SLX4: variants seen among roughly 807,000 people sequenced by gnomAD.
The protein encoded by SLX4 is SLX4 structure-specific endonuclease subunit, also known as structure-specific endonuclease subunit SLX4.
A neutral mutation model predicts 146.2 loss-of-function variants in SLX4; 112 were observed. That is an observed-to-expected ratio of 0.77 (90% CI 0.66 to 0.90). SLX4 has a LOEUF of 0.90. Ranked by LOEUF, SLX4 falls within the 40% of genes least tolerant of loss-of-function variation. The probability of loss-of-function intolerance (pLI) is 0.00; values close to 1 mark genes in which losing one functional copy is unlikely to be tolerated. For synonymous variants in SLX4, 1,061 were observed against 997.7 expected (o/e 1.06, Z -1.20); for missense variants, 2,563 against 2,392.7 (o/e 1.07, Z -1.49).
chr16:3,610,928 C>T (rs1391659544), intron 1 of SLX4, among the ~76,000 whole-genome samples: 1 of 152,218 alleles, frequency 6.6e-6, no homozygotes, highest in Non-Finnish European at 1.5e-5. Flanking sequence ...GAATTTTATC[C>T]TGTTGGATGC....
chr16:3,592,146 G>A (rs1240739220), intron 11 of SLX4, among the ~76,000 whole-genome samples: 1 of 152,262 alleles, frequency 6.6e-6, no homozygotes, highest in Non-Finnish European at 1.5e-5. Context: ...AGGCTGAGCT[G>A]TTCCTTTCCT....
chr16:3,602,953 G>GA (rs1416366379), intron 3 of SLX4, among the ~76,000 whole-genome samples: 1 of 152,190 alleles, frequency 6.6e-6, no homozygotes, highest in Non-Finnish European at 1.5e-5. Context: ...GATATGCCCT[G>GA]AACGCCTCAT....
chr16:3,588,942 CCT>C, intron 12 of SLX4, 58 bp downstream of exon 12: 2 of 1,603,932 alleles, frequency 1.2e-6, no homozygotes, highest in Non-Finnish European at 1.7e-6. Flanking sequence ...ATCTTCCCAC[CCT>C]CTTAGTGTAA....
intron 4 of SLX4, chr16:3,601,810 A>G: frequency 1.0e-5 from 4 of 389,050 alleles, no homozygotes; most frequent in Non-Finnish European, 2.0e-5. Context: ...GAGAGGGGCA[A>G]TAGGGAGTGG....
Position 3,592,891 on chromosome 16 carries a change from G to A in SLX4, c.2161-26C>T, listed in dbSNP as rs755722468. On this transcript the variant is annotated intron_variant, in intron 10 of 14. Transcript: ENST00000294008. Reference sequence around the variant, plus strand: ...CTGCAGGTGAAATGCAACACAGAGGGTTTACTGATCAGAGAGTTGTAACTT... The same window carrying A: ...CTGCAGGTGAAATGCAACACAGAGGATTTACTGATCAGAGAGTTGTAACTT... The A allele has an allele frequency of 4.4e-6, 7 of 1,599,636 alleles. No individual in the cohort carries two copies. The African/African-American group carries it at 9.4e-5, about 21-fold the overall frequency.
rs756725688 is a variant in SLX4, at chr16:3,609,011, A to C, written c.-47T>G. On this transcript the variant is annotated 5_prime_UTR_variant, in exon 2 of 15. The change creates a new upstream start codon in the 5' untranslated region. Coordinates refer to ENST00000294008, the MANE Select transcript of SLX4 (RefSeq NM_032444.4). ...CATTAGATACTTGGAGAGTTTGCACAATTGAACAAAAAGTACTGTTTTCCT... is the reference window on the plus strand; with the variant it reads ...CATTAGATACTTGGAGAGTTTGCACCATTGAACAAAAAGTACTGTTTTCCT... The C allele has an allele frequency of 3.0e-5, 47 of 1,592,564 alleles. No homozygotes were observed. Among genetic ancestry groups the C allele is most frequent in the Non-Finnish European group, 4.0e-5 (47 of 1,171,762 alleles).
At chr16:3,587,262 C>T (rs1282605426) in intron 12 of SLX4, among the ~76,000 whole-genome samples, 2 of 152,062 alleles carry the variant, frequency 1.3e-5, no homozygotes, top group Non-Finnish European at 2.9e-5. Flanking sequence ...TTTGGGAGGC[C>T]GAGGTGGGCG....
chr16:3,583,730 C>T (rs955129657), intron 13 of SLX4, among the ~76,000 whole-genome samples: 1 of 152,236 alleles, frequency 6.6e-6, no homozygotes, highest in Admixed American at 6.5e-5. Flanking sequence ...CAGCCAGGCA[C>T]AATGGCTCAC....
chr16:3,595,490 G>C (rs1465143865), intron 9 of SLX4, 115 bp downstream of exon 9: 3 of 1,153,386 alleles, frequency 2.6e-6, no homozygotes, highest in East Asian at 2.4e-5. Flanking sequence ...CAGAGGCCTT[G>C]AGAGGCCACT....
intron 10 of SLX4, among the ~76,000 whole-genome samples, 198 bp downstream of exon 10, chr16:3,594,255 G>A (rs2040624906): frequency 2.0e-5 from 3 of 152,226 alleles, no homozygotes; most frequent in South Asian, 4.1e-4. Flanking sequence ...AACCTCAAGC[G>A]TGGGTCTTTA....
intron 7 of SLX4, 55 bp from the exon 8 acceptor site, chr16:3,596,448 A>G (rs1452366194): frequency 1.4e-5 from 22 of 1,530,698 alleles, no homozygotes; most frequent in Admixed American, 1.9e-5. Flanking sequence ...TGACGCACAC[A>G]CTGCAGAAGC....
chr16:3,609,683 T>C (rs904065962), intron 1 of SLX4, 117 bp from the exon 2 acceptor site: 44 of 152,410 alleles, frequency 2.9e-4, no homozygotes, highest in Admixed American at 2.6e-3. Flanking sequence ...AACAATACTG[T>C]CAAATACTCA....
chr16:3,604,562 T>G (rs1339317436), intron 3 of SLX4, among the ~76,000 whole-genome samples: 1 of 151,920 alleles, frequency 6.6e-6, no homozygotes, highest in Non-Finnish European at 1.5e-5. Context: ...GTGGCTCACG[T>G]CTGTAATCCC....
rs745835943 is a variant in SLX4 at position 3,584,839 on chromosome 16, T to A, written c.4669A>T (p.Lys1557Ter). Residue 1557 changes from lysine to a stop codon, truncating the protein, a stop_gained, in exon 13 of 15, where the codon AAA becomes TAA. Coordinates refer to ENST00000294008, the MANE Select transcript of SLX4 (RefSeq NM_032444.4). LOFTEE classifies it high-confidence loss of function. The part of the protein sequence containing the change: ...GANRKKNLPP[K>*]VPITPMPQYS... ...TGTGGCATCGGCGTTATGGGCACTT[T>A]GGGGGGCAAGTTCTTCTTCCGATTA... 1 of 1,614,102 alleles carries A rather than the reference T, an allele frequency of 6.2e-7. No individual in the cohort carries two copies. The highest frequency in any genetic ancestry group is 8.5e-7 in the Non-Finnish European group (1 of 1,179,952).
rs1246189079 is a variant in SLX4 at position 3,592,718 on chromosome 16, G to A, written c.2308C>T (p.Leu770=). The stretch of plus-strand genomic sequence containing the variant: ...CCAGACCTGTGGGCCAGGGAGCTCA[G>A]CTCAGAGCTAAGGCCAGGAGGAAGG... The part of the protein sequence containing the change: ...TGLPPGLSSE[L]SSLAHRFGVS... Residue 770 remains leucine, a synonymous_variant, in exon 11 of 15, where the codon CTG becomes TTG. Coordinates refer to ENST00000294008, the MANE Select transcript of SLX4 (RefSeq NM_032444.4). 1 of 1,613,324 alleles carries A rather than the reference G, an allele frequency of 6.2e-7. No individual in the cohort carries two copies. Among genetic ancestry groups the A allele is most frequent in the African/African-American group, 1.3e-5 (1 of 75,050 alleles).
chr16:3,601,368 T>C, intron 4 of SLX4, 177 bp from the exon 5 acceptor site: 2 of 656,066 alleles, frequency 3.0e-6, no homozygotes, highest in Non-Finnish European at 5.4e-6. Context: ...TACACTTAGG[T>C]ATCTGTCAGC....
rs541750341 is a variant in SLX4 at position 3,584,755 on chromosome 16, T to C, written c.4739+14A>G. On this transcript the variant is annotated intron_variant, in intron 13 of 14. Transcript: ENST00000294008. ...AAAGACCACTGTGGGCAACAAGCTT[T>C]GAAGACCGCCAACCTATCCAGTTCC... 1.2e-6 allele frequency: 2 copies of C among 1,602,940 alleles called. No individual in the cohort carries two copies. The highest frequency in any genetic ancestry group is 2.2e-5 in the South Asian group (2 of 90,848).
chr16:3,584,895 C>T (rs369820951), intron 12 of SLX4, 24 bp from the exon 13 acceptor site: 13 of 1,522,926 alleles, frequency 8.5e-6, no homozygotes, highest in South Asian at 3.4e-5. Flanking sequence ...AAGAAGCACA[C>T]GTTTTAGCAT....
rs141625470 is a variant in SLX4 at position 3,597,877 on chromosome 16, C to G, written c.1286G>C (p.Arg429Pro). 1.2e-6 allele frequency: 2 copies of G among 1,614,104 alleles called. No individual in the cohort carries two copies. The highest frequency in any genetic ancestry group is 1.7e-6 in the Non-Finnish European group (2 of 1,180,034). ...AGCCGCACCCGGCTCCATCTCCGAC[C>G]GGGACAGAGCCATGGCCACCAGCAG... ...EDLLVAMALS[R>P]SEMEPGAAVP... Residue 429 changes from arginine (R) to proline (P), a missense_variant, in exon 6 of 15, where the codon CGG becomes CCG. Arg to Pro is a moderately radical substitution (Grantham distance 103). Transcript: ENST00000294008. This position sits in a 1 kb window ranked among gnomAD's most constrained non-coding sequence, Gnocchi z 4.4.
Sources: allele counts gnomAD v4.1 joint callset (sites outside exome capture counted in the v4.1 genomes callset), GRCh38; gene constraint gnomAD v4.1.1; non-coding constraint Gnocchi (gnomAD v3.1); transcripts MANE v1.5; gene names NCBI Gene and HGNC (gene_info 2026-07-23, HGNC 2026-07-21).